ARHGAP10: variants seen among roughly 807,000 people sequenced by gnomAD.
ARHGAP10 encodes rho GTPase-activating protein 10.
A neutral mutation model predicts 108.6 loss-of-function variants in ARHGAP10; 87 were observed. The observed-to-expected ratio is 0.80, with a 90% CI of 0.67 to 0.96. The LOEUF (loss-of-function observed/expected upper bound fraction) is 0.96. ARHGAP10 is among the 40% of genes least tolerant of loss of function. The pLI, the probability that ARHGAP10 is intolerant of heterozygous loss-of-function variation, is 0.00. For synonymous variants in ARHGAP10, 347 were observed against 341.1 expected (o/e 1.02, Z -0.19); for missense variants, 939 against 954.5 (o/e 0.98, Z 0.21).
intron 1 of ARHGAP10, among the ~76,000 whole-genome samples, chr4:147,733,367 GACCATCCCTTGGATCCATA>G (rs895930804): frequency 6.6e-6 from 1 of 151,420 alleles, no homozygotes; most frequent in Non-Finnish European, 1.5e-5. Flanking sequence ...TGGGCAGCCT[GACCATCCCTTGGATCCATA>G]ACCCCTTCGG....
At chr4:147,791,662 G>C (rs560537671) in intron 1 of ARHGAP10, among the ~76,000 whole-genome samples, 7 of 151,952 alleles carry the variant, frequency 4.6e-5, no homozygotes, top group Non-Finnish European at 8.8e-5. Flanking sequence ...TCAGCTCCCT[G>C]TAACTTCCGC....
At chr4:147,815,750 C>T (rs551577210) in intron 1 of ARHGAP10, among the ~76,000 whole-genome samples, 2 of 152,116 alleles carry the variant, frequency 1.3e-5, no homozygotes, top group African/African-American at 4.8e-5. Context: ...CCTGTAGTCC[C>T]AGCTACTCAA....
At chr4:147,742,994 G>C (rs905456332) in intron 1 of ARHGAP10, among the ~76,000 whole-genome samples, 1 of 150,080 alleles carries the variant, frequency 6.7e-6, no homozygotes, top group East Asian at 1.9e-4. Flanking sequence ...TTTGAGAATC[G>C]GGCAGATTCT....
chr4:147,857,626 CA>C lies in ARHGAP10; in HGVS notation c.464del (p.Lys155ArgfsTer13). On this transcript the variant is annotated frameshift_variant, in exon 5 of 23. Coordinates refer to ENST00000336498, the MANE Select transcript of ARHGAP10 (RefSeq NM_024605.4). LOFTEE classifies it high-confidence loss of function. ...SLIDKHLNLS[A>X]KKKDSHLQEA... ...ATTGATAAACATTTGAATTTATCAGCAAAAAAGAAAGACTCACATTTACAAG... is the reference window on the plus strand; with the variant it reads ...ATTGATAAACATTTGAATTTATCAGCAAAAAGAAAGACTCACATTTACAAG... 2.0e-6 allele frequency: 3 copies of C among 1,488,156 alleles called. No homozygotes were observed. Among genetic ancestry groups the C allele is most frequent in the South Asian group, 1.4e-5 (1 of 71,684 alleles). The allele number at this position is 1,488,156 out of a possible 1,614,324, so 92.2% of individuals were successfully genotyped here.
chr4:147,818,164 C>CTT (rs563096646), intron 1 of ARHGAP10, among the ~76,000 whole-genome samples: 44 of 138,198 alleles, frequency 3.2e-4, no homozygotes, highest in African/African-American at 9.5e-4. Context: ...TCTTCTTTTT[C>CTT]TTTTTTTTTT....
At chr4:147,819,715 C>T (rs770366091) in intron 1 of ARHGAP10, among the ~76,000 whole-genome samples, 5 of 152,024 alleles carry the variant, frequency 3.3e-5, no homozygotes, top group South Asian at 2.1e-4. Flanking sequence ...CCTGCCACCA[C>T]GCCTGGCTAC....
At chr4:147,782,546 A>G (rs1730579554) in intron 1 of ARHGAP10, 1 of 152,158 alleles carries the variant, frequency 6.6e-6, no homozygotes, top group South Asian at 2.1e-4. Context: ...CGCTGGGTCA[A>G]ATGACCTGAA....
intron 1 of ARHGAP10, among the ~76,000 whole-genome samples, chr4:147,798,918 A>G (rs1045101829): frequency 6.6e-6 from 1 of 151,162 alleles, no homozygotes; most frequent in Non-Finnish European, 1.5e-5. Flanking sequence ...CTTACAGATC[A>G]TGTATCATTT....
intron 1 of ARHGAP10, among the ~76,000 whole-genome samples, chr4:147,751,583 C>G (rs1156907144): frequency 6.6e-6 from 1 of 151,912 alleles, no homozygotes; most frequent in Non-Finnish European, 1.5e-5. Context: ...CCAGGCTGGT[C>G]TTGAACTCCT....
chr4:147,973,228 C>A (rs2149620439), intron 18 of ARHGAP10, among the ~76,000 whole-genome samples: 1 of 152,268 alleles, frequency 6.6e-6, no homozygotes, highest in East Asian at 1.9e-4. Flanking sequence ...AAGGACAGAG[C>A]AGGACCACTA....
At chr4:147,932,487 G>T (rs1057498614) in intron 13 of ARHGAP10, among the ~76,000 whole-genome samples, 3 of 152,176 alleles carry the variant, frequency 2.0e-5, no homozygotes, top group Admixed American at 6.5e-5. Context: ...AAAGGAATGA[G>T]ATCATGTTCT....
At chr4:147,793,889 T>G (rs1731217260) in intron 1 of ARHGAP10, among the ~76,000 whole-genome samples, 1 of 152,208 alleles carries the variant, frequency 6.6e-6, no homozygotes, top group African/African-American at 2.4e-5. Context: ...AATCTAAAGT[T>G]CCACCTGCAA....
intron 1 of ARHGAP10, 77 bp downstream of exon 1, chr4:147,732,532 G>T: frequency 6.3e-7 from 1 of 1,577,918 alleles, no homozygotes; most frequent in Non-Finnish European, 8.6e-7. Flanking sequence ...AGGAGACGGA[G>T]GGTCTTGTGT....
intron 11 of ARHGAP10, 76 bp from the exon 12 acceptor site, chr4:147,909,655 TG>T: frequency 8.4e-7 from 1 of 1,192,612 alleles, no homozygotes; most frequent in Non-Finnish European, 1.2e-6. Context: ...TTTTTTTGTA[TG>T]GTCCTCAGTG....
At chr4:147,892,986 C>T (rs1735845042) in intron 10 of ARHGAP10, among the ~76,000 whole-genome samples, 1 of 152,176 alleles carries the variant, frequency 6.6e-6, no homozygotes, top group Non-Finnish European at 1.5e-5. Flanking sequence ...AGGAGTGCCA[C>T]TGTTGAGAAG....
At chr4:147,926,347 C>T (rs1316054227) in intron 13 of ARHGAP10, among the ~76,000 whole-genome samples, 1 of 152,026 alleles carries the variant, frequency 6.6e-6, no homozygotes, top group African/African-American at 2.4e-5. Flanking sequence ...AGAATATTTG[C>T]AGTGGAAAGA....
chr4:147,910,484 G>A (rs1348117680), intron 12 of ARHGAP10, among the ~76,000 whole-genome samples: 2 of 151,894 alleles, frequency 1.3e-5, no homozygotes, highest in African/African-American at 2.4e-5. Context: ...TGTTTATATC[G>A]AGGCCCTGTT....
intron 13 of ARHGAP10, among the ~76,000 whole-genome samples, chr4:147,924,380 C>T (rs555354684): frequency 6.6e-6 from 1 of 152,108 alleles, no homozygotes; most frequent in African/African-American, 2.4e-5. Context: ...CTCTTTGTTA[C>T]CTATGGTTTT....
Position 147,955,187 on chromosome 4 carries a change from G to A in ARHGAP10, c.1392-129G>A, listed in dbSNP as rs548987075. The A allele has an allele frequency of 6.2e-6, 5 of 811,210 alleles. No individual in the cohort carries two copies. The Admixed American group carries it at 1.1e-4, about 18-fold the overall frequency. 50.3% of individuals were successfully genotyped at this position (811,210 alleles called of 1,614,324 possible). A position where few individuals can be genotyped will look rare whatever the true frequency, so the allele number is the denominator to read the frequency against. On this transcript the variant is annotated intron_variant, in intron 15 of 22. Transcript: ENST00000336498. The stretch of plus-strand genomic sequence containing the variant: ...TTATGTATCTTTTTTGATATGTAAA[G>A]GTATTCCCTAGGGAAGTTTTACACA...
Sources: allele counts gnomAD v4.1 joint callset (sites outside exome capture counted in the v4.1 genomes callset), GRCh38; gene constraint gnomAD v4.1.1; transcripts MANE v1.5; gene names NCBI Gene and HGNC (gene_info 2026-07-23, HGNC 2026-07-21).